The following CDH4 variants were observed in gnomAD, a reference collection of about 807,000 sequenced individuals.
CDH4 encodes the protein cadherin 4, also known as cadherin-4.
Under a neutral mutation model 86.0 loss-of-function variants are expected in CDH4, and 33 were observed. That is an observed-to-expected ratio of 0.38 (90% CI 0.29 to 0.51). CDH4 has a LOEUF of 0.51. Among genes scored for constraint, CDH4 ranks in the 20% least tolerant of loss-of-function variants. The pLI is 0.86. For synonymous variants in CDH4, 555 were observed against 549.4 expected (o/e 1.01, Z -0.14); for missense variants, 1,114 against 1,307.4 (o/e 0.85, Z 2.28).
chr20:61,304,937 A>G (rs1249277888), intron 2 of CDH4, among the ~76,000 whole-genome samples: 1 of 140,886 alleles, frequency 7.1e-6, no homozygotes, highest in African/African-American at 2.7e-5. Flanking sequence ...CATGCAGTGT[A>G]TGTGTTGTAT....
At chr20:61,308,817 T>G (rs1277473788) in intron 2 of CDH4, among the ~76,000 whole-genome samples, 1 of 152,226 alleles carries the variant, frequency 6.6e-6, no homozygotes, top group African/African-American at 2.4e-5. Context: ...AGAAACCTGT[T>G]GCAGCTACTT....
chr20:61,821,525 C>A (rs1981041238), intron 4 of CDH4, among the ~76,000 whole-genome samples: 1 of 112,936 alleles, frequency 8.9e-6, no homozygotes, highest in African/African-American at 3.1e-5. Context: ...CCAGTCCCCT[C>A]ACTCCCTACG....
At chr20:61,777,476 C>T (rs567477978) in intron 4 of CDH4, among the ~76,000 whole-genome samples, 15 of 152,358 alleles carry the variant, frequency 9.8e-5, no homozygotes, top group Non-Finnish European at 4.4e-5. Context: ...CCAAACCGAG[C>T]TTAATGCCAG....
chr20:61,598,345 C>A (rs1387837425), intron 2 of CDH4, among the ~76,000 whole-genome samples: 1 of 151,824 alleles, frequency 6.6e-6, no homozygotes, highest in African/African-American at 2.4e-5. Context: ...GGACCCCACC[C>A]CCCCGGCCAC....
At chr20:61,443,527 C>G (rs2085324851) in intron 2 of CDH4, among the ~76,000 whole-genome samples, 1 of 152,186 alleles carries the variant, frequency 6.6e-6, no homozygotes, top group Non-Finnish European at 1.5e-5. Flanking sequence ...TCTTGGCATA[C>G]CTTTCTTCTC....
chr20:61,738,810 C>T (rs2088297641), intron 2 of CDH4: 1 of 152,306 alleles, frequency 6.6e-6, no homozygotes, highest in Non-Finnish European at 1.5e-5. Flanking sequence ...CTCTCACCAC[C>T]TTCACGGCAA....
rs765654410 is a variant in CDH4, at chr20:61,623,875, C to T, written c.170-119688C>T. On this transcript the variant is annotated intron_variant, in intron 2 of 15. Transcript: ENST00000614565. This position sits in a 1 kb window ranked among gnomAD's most constrained non-coding sequence, Gnocchi z 4.4. ...CCCCAGAATCTGAGCAGGAAGGACA[C>T]GGTTCCTAGAGCGAGGAACACCCCA... Among the ~76,000 whole-genome samples, 2 of 150,990 alleles carry T rather than the reference C, an allele frequency of 1.3e-5. No individual in the cohort carries two copies. Among genetic ancestry groups the T allele is most frequent in the African/African-American group, 2.4e-5 (1 of 40,984 alleles).
chr20:61,350,867 T>TC, intron 2 of CDH4, among the ~76,000 whole-genome samples: 1 of 14,224 alleles, frequency 7.0e-5, no homozygotes, highest in Non-Finnish European at 1.5e-4. Context: ...GCATGCTGCC[T>TC]TTTTTTTATT....
Position 61,392,992 on chromosome 20 carries a change from G to A in CDH4, c.169+138055G>A, listed in dbSNP as rs116137764. 9.0e-3 allele frequency among the ~76,000 whole-genome samples: 1,365 copies of A among 152,228 alleles called. 18 individuals carry two copies. Among genetic ancestry groups the A allele is most frequent in the African/African-American group, 0.031 (1,278 of 41,534 alleles). On this transcript the variant is annotated intron_variant, in intron 2 of 15. Coordinates refer to ENST00000614565, the MANE Select transcript of CDH4 (RefSeq NM_001794.5). This position sits in a 1 kb window ranked among gnomAD's most constrained non-coding sequence, Gnocchi z 5.7. ...CTCCTGCTTGAGCACATGCCTTGTCGCTCAGGGCTTGACGGGATAGAAAAC... is the reference window on the plus strand; with the variant it reads ...CTCCTGCTTGAGCACATGCCTTGTCACTCAGGGCTTGACGGGATAGAAAAC...
intron 2 of CDH4, among the ~76,000 whole-genome samples, chr20:61,309,442 G>C (rs774122150): frequency 6.6e-6 from 1 of 151,546 alleles, no homozygotes; most frequent in Non-Finnish European, 1.5e-5. Context: ...GCATAGAGGT[G>C]CTCAGCTGTC....
chr20:61,587,561 A>C (rs1429288193), intron 2 of CDH4, among the ~76,000 whole-genome samples: 1 of 151,942 alleles, frequency 6.6e-6, no homozygotes, highest in Non-Finnish European at 1.5e-5. Context: ...GAGCGCGGGG[A>C]GGTTAGGGCC....
At chr20:61,436,105 C>A (rs6061977) in intron 2 of CDH4, among the ~76,000 whole-genome samples, 1 of 152,106 alleles carries the variant, frequency 6.6e-6, no homozygotes, top group Non-Finnish European at 1.5e-5. Flanking sequence ...TCAGCTGTCA[C>A]TTCCCAGTGG....
Position 61,517,960 on chromosome 20 carries a change from G to T in CDH4, c.170-225603G>T, listed in dbSNP as rs1031881426. ...CAGCTTCTGGGGCTGATTGCCCCTG[G>T]ATGGGCCTCTCGTGTGGGGCTGGGG... On this transcript the variant is annotated intron_variant, in intron 2 of 15. Coordinates refer to ENST00000614565, the MANE Select transcript of CDH4 (RefSeq NM_001794.5). The surrounding 1 kb of genome is among the most constrained non-coding windows in gnomAD (Gnocchi z 6.6). Among the ~76,000 whole-genome samples, 1 of 152,050 alleles carries T rather than the reference G, an allele frequency of 6.6e-6. No homozygotes were observed. The highest frequency in any genetic ancestry group is 1.5e-5 in the Non-Finnish European group (1 of 68,028).
In CDH4 at chr20:61,540,429, A is replaced by T. The variant is rs146088758; in HGVS notation, c.170-203134A>T. ...CACATGATAGGAGGGAAGTGCCCAGATGTTGATATCTGATTCCTGGAAAAT... is the reference window on the plus strand; with the variant it reads ...CACATGATAGGAGGGAAGTGCCCAGTTGTTGATATCTGATTCCTGGAAAAT... On this transcript the variant is annotated intron_variant, in intron 2 of 15. Transcript: ENST00000614565. 2.0e-5 allele frequency among the ~76,000 whole-genome samples: 3 copies of T among 152,270 alleles called. No homozygotes were observed. The South Asian group carries it at 6.2e-4, about 32-fold the overall frequency.
chr20:61,905,380 CCCT>C (rs1281880730), intron 8 of CDH4, among the ~76,000 whole-genome samples: 3 of 152,216 alleles, frequency 2.0e-5, no homozygotes, highest in Non-Finnish European at 4.4e-5. Context: ...GCGCCGCGCT[CCCT>C]CCTCAGAAGG....
chr20:61,742,797 G>T (rs1360215865), intron 2 of CDH4, among the ~76,000 whole-genome samples: 1 of 152,190 alleles, frequency 6.6e-6, no homozygotes, highest in African/African-American at 2.4e-5. Flanking sequence ...CATGATGCTG[G>T]AGCCGTGAAG....
At chr20:61,741,592 C>T (rs1056732325) in intron 2 of CDH4, among the ~76,000 whole-genome samples, 9 of 151,934 alleles carry the variant, frequency 5.9e-5, no homozygotes, top group African/African-American at 1.2e-4. Context: ...CCCAGGTTCA[C>T]GCCATTCTTC....
chr20:61,374,382 G>A (rs548542514), intron 2 of CDH4, among the ~76,000 whole-genome samples: 5 of 152,264 alleles, frequency 3.3e-5, no homozygotes, highest in Admixed American at 2.6e-4. Context: ...GTGACATGTC[G>A]TGGCATCCCC....
At chr20:61,779,017 G>A (rs76000412) in intron 4 of CDH4, among the ~76,000 whole-genome samples, 4,473 of 152,236 alleles carry the variant, frequency 0.029, 219 homozygotes, top group African/African-American at 0.1. Context: ...CTGGTCCCTC[G>A]GCCCTTGTAG....
Sources: allele counts gnomAD v4.1 joint callset (sites outside exome capture counted in the v4.1 genomes callset), GRCh38; gene constraint gnomAD v4.1.1; non-coding constraint Gnocchi (gnomAD v3.1); transcripts MANE v1.5; gene names NCBI Gene and HGNC (gene_info 2026-07-23, HGNC 2026-07-21).